NKAIN3: variants seen among roughly 807,000 people sequenced by gnomAD.
The protein encoded by NKAIN3 is sodium/potassium-transporting ATPase subunit beta-1-interacting protein 3.
Under a neutral mutation model 30.2 loss-of-function variants are expected in NKAIN3, and 25 were observed. That is an observed-to-expected ratio of 0.83 (90% CI 0.60 to 1.16). The LOEUF is 1.16. Among genes scored for constraint, NKAIN3 ranks in the 50% most tolerant of loss-of-function variants. The probability of loss-of-function intolerance (pLI) is 0.00; values close to 1 mark genes in which losing one functional copy is unlikely to be tolerated. For synonymous variants in NKAIN3, 91 were observed against 89.6 expected (o/e 1.02, Z -0.09); for missense variants, 225 against 254.1 (o/e 0.89, Z 0.78).
At chr8:62,995,203 T>C (rs557770763) in intron 5 of NKAIN3, among the ~76,000 whole-genome samples, 1 of 152,344 alleles carries the variant, frequency 6.6e-6, no homozygotes, top group African/African-American at 2.4e-5. Context: ...CTTATGTATA[T>C]CTGAGAGCAT....
At chr8:62,506,282 T>C (rs1807635693) in intron 1 of NKAIN3, among the ~76,000 whole-genome samples, 1 of 151,394 alleles carries the variant, frequency 6.6e-6, no homozygotes, top group Non-Finnish European at 1.5e-5. Flanking sequence ...TGTTCTAATT[T>C]ATAATAGAGA....
At chr8:62,712,738 C>G (rs1814763106) in intron 3 of NKAIN3, among the ~76,000 whole-genome samples, 1 of 152,144 alleles carries the variant, frequency 6.6e-6, no homozygotes, top group South Asian at 2.1e-4. Context: ...TGAGTTCTGG[C>G]CAGGAGGTTT....
intron 1 of NKAIN3, among the ~76,000 whole-genome samples, chr8:62,254,067 T>C (rs1037218611): frequency 6.6e-6 from 1 of 152,146 alleles, no homozygotes. Context: ...TGAGTTATAC[T>C]GTGACTGGTA....
chr8:62,509,333 C>T (rs1028667674), intron 1 of NKAIN3, among the ~76,000 whole-genome samples: 3 of 152,072 alleles, frequency 2.0e-5, no homozygotes, highest in South Asian at 2.1e-4. Context: ...TTTGACCACC[C>T]GCCACACCCT....
intron 4 of NKAIN3, among the ~76,000 whole-genome samples, chr8:62,778,693 G>A (rs1213978933): frequency 6.6e-6 from 1 of 151,912 alleles, no homozygotes; most frequent in East Asian, 1.9e-4. Context: ...CCCACTTTTT[G>A]CTTTATTCCA....
intron 6 of NKAIN3, among the ~76,000 whole-genome samples, chr8:62,957,875 C>A (rs72656539): frequency 0.023 from 3,497 of 152,196 alleles, 54 homozygotes; most frequent in South Asian, 0.032. Flanking sequence ...GTGACTATAT[C>A]AGTGTAGATT....
At chr8:62,323,142 T>C (rs948012347) in intron 1 of NKAIN3, among the ~76,000 whole-genome samples, 1 of 152,204 alleles carries the variant, frequency 6.6e-6, no homozygotes, top group African/African-American at 2.4e-5. Context: ...AATCTAAACA[T>C]GCTCTTATCT....
At chr8:62,480,084 C>T (rs1231356670) in intron 1 of NKAIN3, among the ~76,000 whole-genome samples, 1 of 152,166 alleles carries the variant, frequency 6.6e-6, no homozygotes, top group Non-Finnish European at 1.5e-5. Context: ...AGCCACTATG[C>T]TTTACATTAG....
At chr8:62,630,125 A>T (rs1586027838) in intron 3 of NKAIN3, among the ~76,000 whole-genome samples, 1 of 152,196 alleles carries the variant, frequency 6.6e-6, no homozygotes, top group East Asian at 1.9e-4. Context: ...TACCTAATTT[A>T]TAAATTAAAA....
chr8:62,719,287 C>G (rs1815006427), intron 3 of NKAIN3, among the ~76,000 whole-genome samples: 1 of 152,152 alleles, frequency 6.6e-6, no homozygotes, highest in South Asian at 2.1e-4. Flanking sequence ...TGCTGCCACT[C>G]TCATCTCATA....
At chr8:62,377,175 A>G (rs1817113380) in intron 1 of NKAIN3, among the ~76,000 whole-genome samples, 1 of 152,154 alleles carries the variant, frequency 6.6e-6, no homozygotes, top group Non-Finnish European at 1.5e-5. Context: ...TGCTATGAAA[A>G]AAATGTTGAT....
At chr8:62,956,359 A>C (rs1823419339) in intron 6 of NKAIN3, among the ~76,000 whole-genome samples, 1 of 152,152 alleles carries the variant, frequency 6.6e-6, no homozygotes, top group South Asian at 2.1e-4. Flanking sequence ...TAATAAGGGG[A>C]TCAGAAGAAT....
At chr8:62,274,543 A>C (rs553596590) in intron 1 of NKAIN3, among the ~76,000 whole-genome samples, 1 of 152,044 alleles carries the variant, frequency 6.6e-6, no homozygotes, top group Non-Finnish European at 1.5e-5. Flanking sequence ...CAGTTTAATA[A>C]ATTTCTAATA....
rs55873861 is a variant in NKAIN3, at chr8:62,763,221, C to CAAAAAAA, written c.471+16126_471+16132dup. ...GGGCAACAAGTGCGAGACTCCGTCT[C>CAAAAAAA]AAAAAAAAAAAAAAAAAAAAAAAAA... On this transcript the variant is annotated intron_variant, in intron 4 of 6. Coordinates refer to ENST00000623646, the MANE Select transcript of NKAIN3 (RefSeq NM_001304533.3). Among the ~76,000 whole-genome samples the CAAAAAAA allele has an allele frequency of 4.7e-4, 22 of 47,188 alleles. 1 individual carries two copies. Among genetic ancestry groups the CAAAAAAA allele is most frequent in the East Asian group, 2.0e-3 (3 of 1,498 alleles). 31.0% of individuals were successfully genotyped at this position (47,188 alleles called of 152,430 possible). A position where few individuals can be genotyped will look rare whatever the true frequency, so the allele number is the denominator to read the frequency against.
intron 3 of NKAIN3, among the ~76,000 whole-genome samples, chr8:62,647,206 T>A (rs1812486839): frequency 6.6e-6 from 1 of 152,196 alleles, no homozygotes; most frequent in African/African-American, 2.4e-5. Context: ...CCCTTGCGAT[T>A]CTGTAAGCAA....
chr8:62,793,939 C>T (rs1563564424), intron 4 of NKAIN3, among the ~76,000 whole-genome samples: 1 of 152,114 alleles, frequency 6.6e-6, no homozygotes, highest in Non-Finnish European at 1.5e-5. Context: ...CAGAAAGATG[C>T]CCTGTTTTAT....
At chr8:62,685,238 G>A (rs917003880) in intron 3 of NKAIN3, among the ~76,000 whole-genome samples, 3 of 152,164 alleles carry the variant, frequency 2.0e-5, no homozygotes, top group Admixed American at 2.0e-4. Context: ...CAGAGCTCAA[G>A]GGATCAAACT....
intron 1 of NKAIN3, among the ~76,000 whole-genome samples, chr8:62,373,759 C>T (rs1482107912): frequency 6.6e-6 from 1 of 152,188 alleles, no homozygotes; most frequent in South Asian, 2.1e-4. Context: ...TTTATTATCA[C>T]AAATGTGTGC....
At chr8:62,524,715 A>G (rs1465470916) in intron 1 of NKAIN3, among the ~76,000 whole-genome samples, 1 of 152,100 alleles carries the variant, frequency 6.6e-6, no homozygotes. Flanking sequence ...TTCTTTGCAA[A>G]GGTTTTAAGC....
Sources: allele counts gnomAD v4.1 joint callset (sites outside exome capture counted in the v4.1 genomes callset), GRCh38; gene constraint gnomAD v4.1.1; transcripts MANE v1.5; gene names NCBI Gene and HGNC (gene_info 2026-07-23, HGNC 2026-07-21).